The following CFAP47 variants were observed in gnomAD, a reference collection of about 807,000 sequenced individuals.
The protein encoded by CFAP47 is cilia and flagella associated protein 47, also known as cilia- and flagella-associated protein 47.
Under a neutral mutation model 148.1 loss-of-function variants are expected in CFAP47, and 29 were observed. The ratio of observed to expected loss-of-function variants is 0.20; its 90% confidence interval spans 0.15 to 0.27. The LOEUF is 0.27. Ranked by LOEUF, CFAP47 falls within the 10% of genes least tolerant of loss-of-function variation. The pLI is 1.00. For missense variants in CFAP47, 1,872 were observed against 1,697.5 expected, an observed-to-expected ratio of 1.10 and a Z score of -1.81; for synonymous variants, 664 against 577.3, an observed-to-expected ratio of 1.15 and a Z score of -2.15.
At chrX:36,231,906 G>A (rs782009320) in intron 46 of CFAP47, among the ~76,000 whole-genome samples, 1 of 111,507 alleles carries the variant, frequency 9.0e-6, no homozygotes, top group South Asian at 3.8e-4. Context: ...CTTATATGCT[G>A]GATTACATTT....
intron 48 of CFAP47, among the ~76,000 whole-genome samples, chrX:36,248,217 T>C (rs1940643680): frequency 9.4e-6 from 1 of 106,021 alleles, no homozygotes; most frequent in Admixed American, 1.0e-4. Flanking sequence ...ATATATCATA[T>C]ATGTATTATG....
At chrX:36,046,153 A>G (rs772537692) in intron 25 of CFAP47, among the ~76,000 whole-genome samples, 2 of 110,917 alleles carry the variant, frequency 1.8e-5, no homozygotes, top group South Asian at 7.7e-4. Flanking sequence ...CCATTTGATG[A>G]TACCTCTTAT....
chrX:36,251,237 T>G (rs1940687405), intron 48 of CFAP47, 96 bp from the exon 49 acceptor site: 1 of 299,838 alleles, frequency 3.3e-6, no homozygotes, highest in African/African-American at 2.8e-5. Context: ...TTCAGTTTGT[T>G]CTATGCTTTA....
intron 2 of CFAP47, among the ~76,000 whole-genome samples, chrX:35,940,555 G>A (rs1366479660): frequency 1.8e-5 from 2 of 111,115 alleles, no homozygotes; most frequent in South Asian, 3.7e-4. Flanking sequence ...AAGATTTCAA[G>A]ATTTTTTTAC....
rs1169524048 is a variant in CFAP47, at chrX:36,161,059, G to T, written c.6026+290G>T. 4.5e-5 allele frequency among the ~76,000 whole-genome samples: 5 copies of T among 109,903 alleles called. No homozygotes were observed. In the Admixed American group the frequency reaches 4.9e-4, roughly 11 times the overall value. ...GATGGGGTTTCACCATGTTGGCCAGGATGATCTCGATCTCTTGACCTCGTG... is the reference window on the plus strand; with the variant it reads ...GATGGGGTTTCACCATGTTGGCCAGTATGATCTCGATCTCTTGACCTCGTG... On this transcript the variant is annotated intron_variant, in intron 39 of 63. Coordinates refer to ENST00000378653, the MANE Select transcript of CFAP47 (RefSeq NM_001304548.2).
chrX:36,204,484 C>T (rs1188986638), intron 44 of CFAP47, among the ~76,000 whole-genome samples: 4 of 110,360 alleles, frequency 3.6e-5, no homozygotes, highest in African/African-American at 1.3e-4. Context: ...TGCTAAATGA[C>T]GAGTTAATGG....
At chrX:36,069,860 G>A (rs1937713868) in intron 27 of CFAP47, among the ~76,000 whole-genome samples, 1 of 111,742 alleles carries the variant, frequency 8.9e-6, no homozygotes, top group Admixed American at 9.5e-5. Flanking sequence ...TAAAAGTAAA[G>A]CAGTATGATT....
intron 25 of CFAP47, among the ~76,000 whole-genome samples, chrX:36,040,578 G>C (rs943209244): frequency 2.7e-5 from 3 of 111,146 alleles, no homozygotes; most frequent in African/African-American, 6.5e-5. Context: ...AATTTTTAAA[G>C]GGTTGACATA....
intron 26 of CFAP47, among the ~76,000 whole-genome samples, chrX:36,047,612 AACTTG>A (rs1028199399): frequency 8.9e-6 from 1 of 112,029 alleles, no homozygotes; most frequent in African/African-American, 3.2e-5. Context: ...ATCCTGAAAT[AACTTG>A]ACTAACTAAA....
intron 21 of CFAP47, among the ~76,000 whole-genome samples, chrX:36,008,336 C>T (rs1189901110): frequency 9.0e-6 from 1 of 111,244 alleles, no homozygotes; most frequent in Non-Finnish European, 1.9e-5. Context: ...GATTTCTTCT[C>T]ATTGGGAACC....
At chrX:36,301,322 G>A in intron 53 of CFAP47, 143 bp downstream of exon 53, 1 of 400,128 alleles carries the variant, frequency 2.5e-6, no homozygotes, top group South Asian at 4.4e-5. Context: ...GGGAAGGTTT[G>A]ATATGTAAAC....
intron 48 of CFAP47, among the ~76,000 whole-genome samples, chrX:36,249,141 C>G (rs1439269852): frequency 2.8e-5 from 3 of 108,920 alleles, no homozygotes; most frequent in African/African-American, 1.0e-4. Flanking sequence ...GAAAAACAAG[C>G]AAATGAAAGA....
At chrX:36,158,482 A>G (rs1939393864) in intron 37 of CFAP47, among the ~76,000 whole-genome samples, 1 of 112,178 alleles carries the variant, frequency 8.9e-6, no homozygotes, top group South Asian at 3.7e-4. Flanking sequence ...ACAGGGCAAT[A>G]TCAAAATAAA....
chrX:36,130,526 A>G (rs559535912), intron 33 of CFAP47, among the ~76,000 whole-genome samples: 2 of 111,333 alleles, frequency 1.8e-5, no homozygotes, highest in African/African-American at 6.5e-5. Flanking sequence ...AGGTTCCTCA[A>G]AAAACTAAAA....
In CFAP47 at chrX:36,299,167, T is replaced by C. The variant is rs937228360; in HGVS notation, c.7862+15T>C. ...AGCGATGAAAGGTATGGTTTGAGTG[T>C]GGCATTATATTTCATTGTTGATCCT... On this transcript the variant is annotated intron_variant, in intron 52 of 63. Transcript: ENST00000378653. 6.3e-6 allele frequency: 6 copies of C among 947,371 alleles called. No homozygotes were observed. In the East Asian group the frequency reaches 1.5e-4, roughly 24 times the overall value. 78.1% of individuals were successfully genotyped at this position (947,371 alleles called of 1,213,427 possible).
intron 21 of CFAP47, among the ~76,000 whole-genome samples, chrX:36,002,539 G>A (rs1188600687): frequency 1.8e-5 from 2 of 110,765 alleles, no homozygotes; most frequent in African/African-American, 3.3e-5. Flanking sequence ...CCAAGATCGC[G>A]CCATTGCACT....
chrX:36,079,027 G>A (rs181468504), intron 29 of CFAP47, among the ~76,000 whole-genome samples: 58 of 111,788 alleles, frequency 5.2e-4, no homozygotes, highest in African/African-American at 1.7e-3. Context: ...TGGCTTGTAG[G>A]GTTTCTGCCA....
chrX:36,357,743 C>T (rs1941796575), intron 60 of CFAP47, among the ~76,000 whole-genome samples: 1 of 111,141 alleles, frequency 9.0e-6, no homozygotes, highest in South Asian at 3.9e-4. Flanking sequence ...ATTTCTTCTT[C>T]CTAAGTACCT....
At position 36,319,327 on chromosome X, in the gene CFAP47, C is replaced by G; in HGVS notation, c.8443+20C>G. The G allele has an allele frequency of 1.4e-6, 1 of 723,984 alleles. No homozygotes were observed. Among genetic ancestry groups the G allele is most frequent in the Non-Finnish European group, 2.0e-6 (1 of 510,109 alleles). The allele number at this position is 723,984 out of a possible 1,213,427, so 59.7% of individuals were successfully genotyped here. On this transcript the variant is annotated intron_variant, in intron 57 of 63. Transcript: ENST00000378653. ...TACAAGGTACAGGATTTCTACCTTA[C>G]ATTCTATCATTCTGTTTGTTGTTGC...
Sources: allele counts gnomAD v4.1 joint callset (sites outside exome capture counted in the v4.1 genomes callset), GRCh38; gene constraint gnomAD v4.1.1; transcripts MANE v1.5; gene names NCBI Gene and HGNC (gene_info 2026-07-23, HGNC 2026-07-21).